Variants in DENND5A observed in about 807,000 individuals in gnomAD.
DENND5A encodes DENN domain-containing protein 5A.
A neutral mutation model predicts 140.3 loss-of-function variants in DENND5A; 64 were observed. The ratio of observed to expected loss-of-function variants is 0.46; its 90% CI spans 0.37 to 0.56. DENND5A has a LOEUF of 0.56. Ranked by LOEUF, DENND5A falls within the 20% of genes least tolerant of loss-of-function variation. The probability of loss-of-function intolerance (pLI) is 0.00; values close to 1 mark genes in which losing one functional copy is unlikely to be tolerated. For synonymous variants in DENND5A, 605 were observed against 607.7 expected, an observed-to-expected ratio of 1.00 and a Z score of 0.07; for missense variants, 1,292 against 1,593.8, an observed-to-expected ratio of 0.81 and a Z score of 3.22.
chr11:9,178,241 A>T lies in DENND5A; in HGVS notation c.1797T>A (p.Pro599=). The part of the protein sequence containing the change: ...IMCHDDDDKD[P]VLRVFDSRVD... ...CTCGGGAATCAAATACCCGGAGTACAGGGTCTTTATCATCATCATCATGAC... is the reference window on the plus strand; with the variant it reads ...CTCGGGAATCAAATACCCGGAGTACTGGGTCTTTATCATCATCATCATGAC... The change falls in exon 8 of 23, where the codon CCT becomes CCA. Residue 599 remains proline, a synonymous_variant. Transcript: ENST00000328194. 1 of 1,613,236 alleles carries T rather than the reference A, an allele frequency of 6.2e-7. No homozygotes were observed. The highest frequency in any genetic ancestry group is 1.1e-5 in the South Asian group (1 of 91,056).
intron 1 of DENND5A, among the ~76,000 whole-genome samples, chr11:9,263,790 C>T (rs992890539): frequency 1.4e-5 from 2 of 143,150 alleles, no homozygotes; most frequent in African/African-American, 5.1e-5. Context: ...TGCAGTGAGC[C>T]GAGATTGCGC....
chr11:9,221,307 T>C (rs1300104522), intron 1 of DENND5A, among the ~76,000 whole-genome samples: 1 of 151,676 alleles, frequency 6.6e-6, no homozygotes, highest in Non-Finnish European at 1.5e-5. Context: ...GGCGAGTGCC[T>C]GTAGTCTCAG....
At chr11:9,242,326 C>T (rs1016305112) in intron 1 of DENND5A, 17 of 152,178 alleles carry the variant, frequency 1.1e-4, no homozygotes, top group African/African-American at 4.1e-4. Context: ...TCTAGACAAT[C>T]ACTGATTGCA....
In DENND5A at chr11:9,160,704, A is replaced by T. The variant is rs373799122; in HGVS notation, c.2436+9T>A. On this transcript the variant is annotated intron_variant, in intron 12 of 22. Coordinates refer to ENST00000328194, the MANE Select transcript of DENND5A (RefSeq NM_015213.4). ...TTTGCTCAGCAATGAGAGGCAAGAC[A>T]TACATTACCTGTTTCACTTGTAGTC... 2.2e-5 allele frequency: 36 copies of T among 1,606,060 alleles called. No individual in the cohort carries two copies. The African/African-American group carries it at 4.0e-4, about 18-fold the overall frequency.
intron 1 of DENND5A, among the ~76,000 whole-genome samples, chr11:9,225,885 G>C (rs1376076931): frequency 6.6e-6 from 1 of 152,188 alleles, no homozygotes; most frequent in African/African-American, 2.4e-5. Context: ...AGGAGGTCAA[G>C]ACCAGCCTGG....
chr11:9,165,695 A>G (rs755578985), intron 11 of DENND5A, 141 bp downstream of exon 11: 3 of 1,014,458 alleles, frequency 3.0e-6, no homozygotes, highest in East Asian at 4.9e-5. Flanking sequence ...TGGTCTCCCA[A>G]AGTGTTGGGA....
At chr11:9,199,919 T>C (rs1309322085) in intron 4 of DENND5A, among the ~76,000 whole-genome samples, 1 of 152,226 alleles carries the variant, frequency 6.6e-6, no homozygotes, top group East Asian at 1.9e-4. Context: ...TGAAAAGTAA[T>C]CCACTCCACT....
At chr11:9,197,085 G>A (rs929811195) in intron 4 of DENND5A, among the ~76,000 whole-genome samples, 15 of 151,254 alleles carry the variant, frequency 9.9e-5, no homozygotes, top group Non-Finnish European at 1.5e-4. Flanking sequence ...TAGGCGGATC[G>A]CTTGAAGTCA....
intron 8 of DENND5A, among the ~76,000 whole-genome samples, chr11:9,173,826 C>T (rs959349864): frequency 1.3e-5 from 2 of 152,026 alleles, no homozygotes; most frequent in African/African-American, 4.8e-5. Flanking sequence ...ATTGAAAGGC[C>T]GGGTGCAGTG....
chr11:9,144,923 C>T, intron 18 of DENND5A, 72 bp downstream of exon 18: 1 of 1,112,624 alleles, frequency 9.0e-7, no homozygotes, highest in Non-Finnish European at 1.4e-6. Context: ...GGGAACTCCA[C>T]ATACCCAAGC....
At chr11:9,219,084 A>T (rs1850210268) in intron 1 of DENND5A, among the ~76,000 whole-genome samples, 1 of 152,142 alleles carries the variant, frequency 6.6e-6, no homozygotes, top group African/African-American at 2.4e-5. Context: ...TCCATCCAAG[A>T]GGTCTAAAAC....
At chr11:9,195,346 G>T (rs1849289588) in intron 4 of DENND5A, among the ~76,000 whole-genome samples, 1 of 152,164 alleles carries the variant, frequency 6.6e-6, no homozygotes, top group South Asian at 2.1e-4. Context: ...AAAGTGCTGG[G>T]ATTACAGGAA....
At chr11:9,201,202 CA>C (rs879620343) in intron 4 of DENND5A, among the ~76,000 whole-genome samples, 30 of 143,572 alleles carry the variant, frequency 2.1e-4, no homozygotes, top group East Asian at 2.0e-4. Flanking sequence ...CCTAGCTCTA[CA>C]AAAAAAAAAA....
chr11:9,262,279 G>A (rs1852239266), intron 1 of DENND5A, among the ~76,000 whole-genome samples: 1 of 152,132 alleles, frequency 6.6e-6, no homozygotes, highest in Non-Finnish European at 1.5e-5. Flanking sequence ...CTCGCTAACA[G>A]TTAACTTCCC....
chr11:9,173,942 T>C (rs1372001365), intron 8 of DENND5A, among the ~76,000 whole-genome samples: 1 of 150,194 alleles, frequency 6.7e-6, no homozygotes, highest in African/African-American at 2.4e-5. Context: ...CTACTAAAAA[T>C]ACAAAAAATT....
intron 1 of DENND5A, among the ~76,000 whole-genome samples, chr11:9,242,155 T>C (rs1383860618): frequency 6.6e-6 from 1 of 152,172 alleles, no homozygotes; most frequent in Non-Finnish European, 1.5e-5. Context: ...ATTATGTTTA[T>C]TTTTCAATGT....
chr11:9,254,127 G>C (rs1287054847), intron 1 of DENND5A, among the ~76,000 whole-genome samples: 2 of 140,914 alleles, frequency 1.4e-5, no homozygotes, highest in South Asian at 2.3e-4. Context: ...TTGCATTCCA[G>C]CCTGGGCAAC....
In DENND5A at chr11:9,139,826, G is replaced by A. The variant is rs1344518182; in HGVS notation, c.3709C>T (p.Leu1237=). ...GCAGTGATGGGGCAGTCAGCCAGCA[G>A]GGCAATCCAGTGGTGTAGGAGGTGA... is the stretch of plus-strand genomic sequence containing the variant. ...RDHLLHHWIA[L]LADCPITAHM... is the part of the protein sequence containing the mutation. The change falls in exon 23 of 23, where the codon CTG becomes TTG. Residue 1237 remains leucine (L), a synonymous_variant. Transcript: ENST00000328194. 2 of 1,614,036 alleles carry A rather than the reference G, an allele frequency of 1.2e-6. No homozygotes were observed. Among genetic ancestry groups the A allele is most frequent in the Admixed American group, 1.7e-5 (1 of 60,010 alleles).
chr11:9,152,303 T>C (rs1045073289), intron 13 of DENND5A, 55 bp downstream of exon 13: 1 of 1,282,332 alleles, frequency 7.8e-7, no homozygotes, highest in East Asian at 2.3e-5. Context: ...ATCACGCCAG[T>C]GGGTGATGGA....
Sources: allele counts gnomAD v4.1 joint callset (sites outside exome capture counted in the v4.1 genomes callset), GRCh38; gene constraint gnomAD v4.1.1; transcripts MANE v1.5; gene names NCBI Gene and HGNC (gene_info 2026-07-23, HGNC 2026-07-21).